The following KCNH1 variants were observed in gnomAD, a reference collection of about 807,000 sequenced individuals.
The protein encoded by KCNH1 is potassium voltage-gated channel subfamily H member 1.
Under a neutral mutation model 69.2 loss-of-function variants are expected in KCNH1, and 27 were observed. That is an observed-to-expected ratio of 0.39 (90% confidence interval 0.29 to 0.54). KCNH1 has a LOEUF of 0.54. Ranked by LOEUF, KCNH1 falls within the 20% of genes least tolerant of loss-of-function variation. KCNH1 has a pLI of 0.68. For missense variants in KCNH1, 798 were observed against 1,261.6 expected, an observed-to-expected ratio of 0.63 and a Z score of 5.57; for synonymous variants, 456 against 487.7, an observed-to-expected ratio of 0.93 and a Z score of 0.86.
intron 7 of KCNH1, among the ~76,000 whole-genome samples, chr1:210,890,741 A>G (rs1686731406): frequency 6.6e-6 from 1 of 152,196 alleles, no homozygotes; most frequent in Non-Finnish European, 1.5e-5. Flanking sequence ...CATATGACAG[A>G]CACTTATAAA....
intron 6 of KCNH1, among the ~76,000 whole-genome samples, chr1:210,945,681 C>G (rs1342487537): frequency 6.6e-6 from 1 of 152,204 alleles, no homozygotes; most frequent in Admixed American, 6.5e-5. Flanking sequence ...AACTCAGTCA[C>G]TCCCACGTAG....
chr1:210,773,627 T>G (rs1683796429), intron 10 of KCNH1, among the ~76,000 whole-genome samples: 1 of 150,990 alleles, frequency 6.6e-6, no homozygotes, highest in South Asian at 2.1e-4. Context: ...AGTAGATCAT[T>G]GGCCCCTTCT....
chr1:211,057,450 ACATG>A (rs1454540783), intron 5 of KCNH1, among the ~76,000 whole-genome samples: 1 of 152,186 alleles, frequency 6.6e-6, no homozygotes, highest in Non-Finnish European at 1.5e-5. Context: ...AGCCTGGGCA[ACATG>A]CAAAACCCCA....
intron 10 of KCNH1, among the ~76,000 whole-genome samples, chr1:210,749,929 G>A (rs1683245400): frequency 6.6e-6 from 1 of 152,112 alleles, no homozygotes; most frequent in South Asian, 2.1e-4. Context: ...TTTTAGTAGA[G>A]ATGGGGTTTC....
intron 10 of KCNH1, among the ~76,000 whole-genome samples, chr1:210,742,856 TGC>T (rs892608069): frequency 1.3e-5 from 2 of 152,080 alleles, no homozygotes; most frequent in African/African-American, 4.8e-5. Context: ...TGTGTGTGTG[TGC>T]GCGCGCGCGT....
chr1:210,717,719 T>C (rs1043723496), intron 10 of KCNH1, among the ~76,000 whole-genome samples: 1 of 152,220 alleles, frequency 6.6e-6, no homozygotes, highest in African/African-American at 2.4e-5. Context: ...CAGATTCCCT[T>C]GAGGAGTGCT....
chr1:211,001,138 G>T (rs577287726), intron 6 of KCNH1, among the ~76,000 whole-genome samples: 94 of 152,264 alleles, frequency 6.2e-4, no homozygotes, highest in African/African-American at 2.1e-3. Flanking sequence ...AAAAGCAATG[G>T]CAACAAAAGA....
At chr1:210,763,335 A>G (rs774264860) in intron 10 of KCNH1, among the ~76,000 whole-genome samples, 22 of 152,166 alleles carry the variant, frequency 1.4e-4, no homozygotes, top group Admixed American at 3.3e-4. Flanking sequence ...GTTCACTCTC[A>G]TCACTCCTAT....
intron 10 of KCNH1, among the ~76,000 whole-genome samples, chr1:210,696,791 T>G (rs2149008420): frequency 6.6e-6 from 1 of 152,328 alleles, no homozygotes. Context: ...GATCTGCTGT[T>G]CCTAAAGCTT....
intron 1 of KCNH1, among the ~76,000 whole-genome samples, chr1:211,112,501 TA>T (rs74258707): frequency 0.15 from 19,353 of 125,916 alleles, 1,169 homozygotes; most frequent in African/African-American, 0.22. Flanking sequence ...ATTAAATAAA[TA>T]AAAAAAAAAA....
intron 6 of KCNH1, among the ~76,000 whole-genome samples, chr1:210,982,700 T>C (rs1446754271): frequency 3.3e-5 from 5 of 152,196 alleles, no homozygotes; most frequent in Non-Finnish European, 5.9e-5. Context: ...TCCAAGTCTT[T>C]GCTATTGTGA....
intron 9 of KCNH1, among the ~76,000 whole-genome samples, chr1:210,776,769 T>A (rs1168339350): frequency 2.0e-5 from 3 of 152,194 alleles, no homozygotes; most frequent in Non-Finnish European, 4.4e-5. Context: ...ACTAATCCCA[T>A]ATAGCCATAT....
At chr1:210,997,089 C>G (rs1689061885) in intron 6 of KCNH1, among the ~76,000 whole-genome samples, 1 of 152,212 alleles carries the variant, frequency 6.6e-6, no homozygotes, top group African/African-American at 2.4e-5. Context: ...ACTGGAAACT[C>G]TAAAAAGCAG....
At chr1:211,093,266 A>T (rs182141983) in intron 3 of KCNH1, among the ~76,000 whole-genome samples, 1 of 152,274 alleles carries the variant, frequency 6.6e-6, no homozygotes, top group East Asian at 1.9e-4. Flanking sequence ...ATTTGTCCAC[A>T]GTTCAAACTT....
chr1:210,891,848 T>C (rs1686756621), intron 7 of KCNH1, among the ~76,000 whole-genome samples: 3 of 152,030 alleles, frequency 2.0e-5, no homozygotes, highest in Admixed American at 6.5e-5. Flanking sequence ...ATAAAGAAAA[T>C]GTGGCACATA....
At chr1:211,023,149 A>T (rs917008777) in intron 5 of KCNH1, among the ~76,000 whole-genome samples, 2 of 123,430 alleles carry the variant, frequency 1.6e-5, no homozygotes, top group Non-Finnish European at 3.5e-5. Context: ...TAAATAAATA[A>T]ATAAATAAAT....
intron 10 of KCNH1, among the ~76,000 whole-genome samples, chr1:210,754,975 TG>T (rs1683365309): frequency 6.6e-6 from 1 of 152,064 alleles, no homozygotes; most frequent in South Asian, 2.1e-4. Context: ...GCCATGGGTG[TG>T]GGAGCATGCA....
Position 211,094,663 on chromosome 1 carries a change from C to T in KCNH1, c.311-3973G>A, listed in dbSNP as rs1480153665. ...CATCGCTCCACTCCAGGGAGTGCTG[C>T]ACAGCAGCCTTGGTGGGTTAGGTGC... On this transcript the variant is annotated intron_variant, in intron 3 of 10. Coordinates refer to ENST00000271751, the MANE Select transcript of KCNH1 (RefSeq NM_172362.3). Among the ~76,000 whole-genome samples, 6 of 152,150 alleles carry T rather than the reference C, an allele frequency of 3.9e-5. No individual in the cohort carries two copies. In the South Asian group the frequency reaches 1.2e-3, roughly 32 times the overall value.
chr1:210,948,954 T>C (rs191723349), intron 6 of KCNH1, among the ~76,000 whole-genome samples: 1 of 152,298 alleles, frequency 6.6e-6, no homozygotes, highest in African/African-American at 2.4e-5. Flanking sequence ...CACAAAATAT[T>C]ATCCCTCTCT....
Sources: allele counts gnomAD v4.1 joint callset (sites outside exome capture counted in the v4.1 genomes callset), GRCh38; gene constraint gnomAD v4.1.1; transcripts MANE v1.5; gene names NCBI Gene and HGNC (gene_info 2026-07-23, HGNC 2026-07-21).